Variants in BDH1 observed in about 807,000 individuals in gnomAD.
The protein encoded by BDH1 is 3-hydroxybutyrate dehydrogenase 1.
In BDH1, 30 loss-of-function variants were observed where a neutral mutation model predicts 33.1. That is an observed-to-expected ratio of 0.91 (90% CI 0.68 to 1.23). The LOEUF (loss-of-function observed/expected upper bound fraction) is 1.23. BDH1 is among the 50% of genes most tolerant of loss of function. BDH1 has a pLI of 0.00. For synonymous variants in BDH1, 190 were observed against 183.6 expected (o/e 1.03, Z -0.28); for missense variants, 443 against 464.4 (o/e 0.95, Z 0.42).
chr3:197,548,341 C>T (rs1234683477), intron 2 of BDH1, among the ~76,000 whole-genome samples: 1 of 152,230 alleles, frequency 6.6e-6, no homozygotes, highest in African/African-American at 2.4e-5. Context: ...TACCTCCTCC[C>T]TCCAAGACCC....
intron 1 of BDH1, among the ~76,000 whole-genome samples, chr3:197,564,875 A>T (rs1429927411): frequency 2.0e-5 from 3 of 152,196 alleles, no homozygotes; most frequent in Admixed American, 1.3e-4. Flanking sequence ...ATTGTTTATA[A>T]AATTTTAGAG....
chr3:197,551,146 A>AT (rs1028313447), intron 2 of BDH1, among the ~76,000 whole-genome samples: 3 of 152,172 alleles, frequency 2.0e-5, no homozygotes, highest in African/African-American at 7.2e-5. Flanking sequence ...ATGCTAGCAA[A>AT]TACTAGTTCT....
chr3:197,549,144 G>A (rs1438590620), intron 2 of BDH1, among the ~76,000 whole-genome samples: 1 of 152,166 alleles, frequency 6.6e-6, no homozygotes, highest in Non-Finnish European at 1.5e-5. Flanking sequence ...AGCCTTGAAA[G>A]TCAAGTAATT....
At chr3:197,545,231 C>G (rs1038792564) in intron 3 of BDH1, among the ~76,000 whole-genome samples, 3 of 152,190 alleles carry the variant, frequency 2.0e-5, no homozygotes, top group Admixed American at 2.0e-4. Flanking sequence ...GCAGAGCCCA[C>G]TGAATCCCCT....
In BDH1 at chr3:197,513,316, T is replaced by C. The variant is rs182375763; in HGVS notation, c.562+948A>G. Among the ~76,000 whole-genome samples, 301 of 148,068 alleles carry C rather than the reference T, an allele frequency of 2.0e-3. 3 individuals carry two copies. Among genetic ancestry groups the C allele is most frequent in the African/African-American group, 7.2e-3 (283 of 39,434 alleles). On this transcript the variant is annotated intron_variant, in intron 7 of 7. Transcript: ENST00000392379. ...AGGGAACTCAGCCCATCCAGGTGTG[T>C]CCCGGGGAGGGCACTCAGCCCATCC...
Position 197,570,482 on chromosome 3 carries a change from G to A in BDH1, c.-44+2699C>T, listed in dbSNP as rs543469811. Among the ~76,000 whole-genome samples, 7 of 152,358 alleles carry A rather than the reference G, an allele frequency of 4.6e-5. No individual in the cohort carries two copies. The East Asian group carries it at 1.4e-3, about 29-fold the overall frequency. ...TCACAGGCCTATAGGCCTAGAAGGAGAAAATGTTTGCGTGGCCTGGGCCCA... is the reference window on the plus strand; with the variant it reads ...TCACAGGCCTATAGGCCTAGAAGGAAAAAATGTTTGCGTGGCCTGGGCCCA... On this transcript the variant is annotated intron_variant, in intron 1 of 6. Transcript: ENST00000358186.
At chr3:197,549,975 T>TTATTTTTATATATA (rs1553875236) in intron 2 of BDH1, among the ~76,000 whole-genome samples, 5 of 146,970 alleles carry the variant, frequency 3.4e-5, no homozygotes, top group South Asian at 2.1e-4. Context: ...CAAATAACTA[T>TTATTTTTATATATA]TATATATATA....
chr3:197,559,840 A>T (rs2567340), upstream of BDH1, among the ~76,000 whole-genome samples: 66,398 of 152,116 alleles, frequency 0.44, 15,987 homozygotes, highest in African/African-American at 0.64. Context: ...ACCTTTCCCC[A>T]CCTTCTACCG....
intron 2 of BDH1, among the ~76,000 whole-genome samples, chr3:197,552,465 C>G (rs925166839): frequency 3.3e-5 from 5 of 152,216 alleles, no homozygotes; most frequent in African/African-American, 1.2e-4. Flanking sequence ...AGTTTGCCTA[C>G]AAGGCCCTCC....
chr3:197,552,125 C>T (rs1716628063), intron 2 of BDH1, among the ~76,000 whole-genome samples: 1 of 152,194 alleles, frequency 6.6e-6, no homozygotes, highest in East Asian at 1.9e-4. Context: ...GCAACCTGTG[C>T]AAAACTGAGC....
chr3:197,517,143 G>C (rs929802679), intron 6 of BDH1, among the ~76,000 whole-genome samples: 7 of 151,912 alleles, frequency 4.6e-5, no homozygotes, highest in African/African-American at 1.7e-4. Flanking sequence ...AAGCCTCCTG[G>C]GTCTGTTTGT....
chr3:197,527,426 G>T (rs1045401459), intron 5 of BDH1, among the ~76,000 whole-genome samples: 2 of 152,180 alleles, frequency 1.3e-5, no homozygotes, highest in African/African-American at 4.8e-5. Flanking sequence ...GGACCTTCCT[G>T]GTCTGGTCCT....
At chr3:197,538,589 T>A (rs1389463259) in intron 3 of BDH1, 2 of 306,948 alleles carry the variant, frequency 6.5e-6, no homozygotes, top group Non-Finnish European at 1.3e-5. Context: ...TGACCTCAGG[T>A]GATCCGCCTG....
intron 5 of BDH1, among the ~76,000 whole-genome samples, chr3:197,527,069 C>T (rs1714169498): frequency 6.6e-6 from 1 of 152,194 alleles, no homozygotes. Context: ...AGGTTTTTGT[C>T]TCTAGCATAT....
Position 197,510,599 on chromosome 3 carries a change from G to GGGTGTGTGTGTGTGTGT in BDH1, c.*1295_*1296insACACACACACACACACC, listed in dbSNP as rs1553865645. 2.7e-5 allele frequency: 2 copies of GGGTGTGTGTGTGTGTGT among 75,316 alleles called. No homozygotes were observed. Among genetic ancestry groups the GGGTGTGTGTGTGTGTGT allele is most frequent in the Non-Finnish European group, 4.9e-5 (2 of 41,024 alleles). 4.7% of individuals were successfully genotyped at this position (75,316 alleles called of 1,614,324 possible). ...CCACGCTGAAGCCCTGCAGAACAGGGGTGTGTGTGTGTGTGTGTGTGTGTG... is the reference window on the plus strand; with the variant it reads ...CCACGCTGAAGCCCTGCAGAACAGGGGGTGTGTGTGTGTGTGTGTGTGTGTGTGTGTGTGTGTGTGTG... On this transcript the variant is annotated 3_prime_UTR_variant, in exon 8 of 8. Transcript: ENST00000392379.
At position 197,520,401 on chromosome 3, in the gene BDH1, G is replaced by A. The variant is rs1403830076; in HGVS notation, c.409+2239C>T. On this transcript the variant is annotated intron_variant, in intron 6 of 7. Coordinates refer to ENST00000392379, the MANE Select transcript of BDH1 (RefSeq NM_203314.3). The surrounding 1 kb of genome is among the most constrained non-coding windows in gnomAD (Gnocchi z 6.0). ...AGGGAAAGGTCTGCGCGTCAGGCTG[G>A]TGCTGGGGTTGGAGCCCAGATCCCC... 1.3e-5 allele frequency among the ~76,000 whole-genome samples: 2 copies of A among 152,250 alleles called. No homozygotes were observed. Among genetic ancestry groups the A allele is most frequent in the African/African-American group, 4.8e-5 (2 of 41,464 alleles).
rs57389278 is a variant in BDH1 at position 197,510,684 on chromosome 3, GGTGTGTGTGTGTGTGTGTGT to G, written c.*1191_*1210del. 1 of 58,708 alleles carries G rather than the reference GGTGTGTGTGTGTGTGTGTGT, an allele frequency of 1.7e-5. No individual in the cohort carries two copies. Among genetic ancestry groups the G allele is most frequent in the Non-Finnish European group, 3.3e-5 (1 of 30,106 alleles). The allele number at this position is 58,708 out of a possible 1,614,324, so 3.6% of individuals were successfully genotyped here. A position where few individuals can be genotyped will look rare whatever the true frequency, so the allele number is the denominator to read the frequency against. On this transcript the variant is annotated 3_prime_UTR_variant, in exon 8 of 8. Transcript: ENST00000392379. ...TGTGTGTGTGTGTACATGTGTGTAA[GGTGTGTGTGTGTGTGTGTGT>G]GTGTGTGTGTGTGTACATGTGTGTA... is the stretch of plus-strand genomic sequence containing the variant.
Position 197,511,849 on chromosome 3 carries a change from C to G in BDH1, c.*46G>C, listed in dbSNP as rs755632402. 6.6e-7 allele frequency: 1 copy of G among 1,508,400 alleles called. No individual in the cohort carries two copies. Among genetic ancestry groups the G allele is most frequent in the Non-Finnish European group, 8.9e-7 (1 of 1,121,600 alleles). The allele number at this position is 1,508,400 out of a possible 1,614,324, so 93.4% of individuals were successfully genotyped here. The stretch of plus-strand genomic sequence containing the variant: ...TTGACTATATGGGTTCCTCCCTCCC[C>G]TCCCCTTCCACCAGGGATCCCTGAC... On this transcript the variant is annotated 3_prime_UTR_variant, in exon 8 of 8. Coordinates refer to ENST00000392379, the MANE Select transcript of BDH1 (RefSeq NM_203314.3).
At chr3:197,518,531 C>A (rs1275851317) in intron 6 of BDH1, among the ~76,000 whole-genome samples, 2 of 41,670 alleles carry the variant, frequency 4.8e-5, no homozygotes, top group Non-Finnish European at 1.0e-4. Flanking sequence ...TCAGGCCGAC[C>A]CCCCCGATCA....
Sources: gnomAD v4.1 joint callset for allele counts (sites outside exome capture counted in the v4.1 genomes callset) on GRCh38, gnomAD v4.1.1 for gene constraint, Gnocchi (gnomAD v3.1) non-coding constraint, MANE v1.5 for transcripts, NCBI Gene and HGNC (gene_info 2026-07-23, HGNC 2026-07-21) for gene names.